MTBP: variants seen among roughly 807,000 people sequenced by gnomAD.
The protein encoded by MTBP is MDM2 binding protein, also known as mdm2-binding protein.
MTBP carries 101 observed loss-of-function variants against 117.0 expected under a neutral mutation model. That is an observed-to-expected ratio of 0.86 (90% CI 0.73 to 1.02). The LOEUF is 1.02. Ranked by LOEUF, MTBP falls within the 50% of genes least tolerant of loss-of-function variation. MTBP has a pLI of 0.00. For missense variants in MTBP, 970 were observed against 1,030.9 expected, an observed-to-expected ratio of 0.94 and a Z score of 0.81; for synonymous variants, 350 against 351.5, an observed-to-expected ratio of 1.00 and a Z score of 0.05.
chr8:120,515,468 C>T (rs1371129117), intron 17 of MTBP, among the ~76,000 whole-genome samples: 1 of 152,006 alleles, frequency 6.6e-6, no homozygotes, highest in Admixed American at 6.6e-5. Flanking sequence ...TCTAAATGTT[C>T]TAAGCTGTTT....
chr8:120,523,154 A>G, intron 21 of MTBP, 144 bp from the exon 22 acceptor site: 1 of 591,096 alleles, frequency 1.7e-6, no homozygotes, highest in Non-Finnish European at 3.0e-6. Context: ...AGAAAATAAA[A>G]TGTGTATTTA....
intron 2 of MTBP, among the ~76,000 whole-genome samples, chr8:120,449,534 C>A (rs564130547): frequency 1.3e-3 from 202 of 152,132 alleles, no homozygotes; most frequent in Non-Finnish European, 2.4e-3. Flanking sequence ...GGCAAAAAAA[C>A]CCAATTATTT....
At chr8:120,453,954 C>A in intron 5 of MTBP, 49 bp downstream of exon 5, 1 of 1,052,058 alleles carries the variant, frequency 9.5e-7, no homozygotes, top group Non-Finnish European at 1.4e-6. Context: ...TCTTATTACA[C>A]TTTATGAATA....
At chr8:120,477,993 G>A (rs1813983155) in intron 11 of MTBP, among the ~76,000 whole-genome samples, 1 of 152,080 alleles carries the variant, frequency 6.6e-6, no homozygotes, top group South Asian at 2.1e-4. Flanking sequence ...GCAAAGACTT[G>A]GAACCAACTC....
chr8:120,502,186 C>T (rs1255036927), intron 14 of MTBP, among the ~76,000 whole-genome samples: 1 of 152,098 alleles, frequency 6.6e-6, no homozygotes. Context: ...ACTGTTTTCA[C>T]CCAAAATAGC....
At chr8:120,477,716 C>T (rs950998843) in intron 11 of MTBP, among the ~76,000 whole-genome samples, 1 of 152,122 alleles carries the variant, frequency 6.6e-6, no homozygotes, top group Non-Finnish European at 1.5e-5. Context: ...CCATCCCATG[C>T]CAGTTAGAAT....
intron 17 of MTBP, among the ~76,000 whole-genome samples, chr8:120,514,510 A>G (rs577072607): frequency 5.3e-5 from 8 of 152,062 alleles, no homozygotes; most frequent in Non-Finnish European, 1.2e-4. Flanking sequence ...CTGAGCAAGT[A>G]GTATTTCTTG....
chr8:120,518,614 G>A (rs761670183), intron 19 of MTBP, 90 bp from the exon 20 acceptor site: 21 of 761,820 alleles, frequency 2.8e-5, no homozygotes, highest in Non-Finnish European at 4.4e-5. Context: ...CAAAATGAAT[G>A]TGTAATTCAC....
At position 120,523,304 on chromosome 8, in the gene MTBP, G is replaced by A. The variant is rs368981910; in HGVS notation, c.2683G>A (p.Asp895Asn). The A allele has an allele frequency of 6.4e-7, 1 of 1,554,466 alleles. No homozygotes were observed. The highest frequency in any genetic ancestry group is 1.8e-5 in the Admixed American group (1 of 55,038). Reference protein sequence around the residue: ...TANNNAVQVIDWVLEKTSKK With the variant: ...TANNNAVQVINWVLEKTSKK ...ATATTTTTTCTCCCCCTAGGTGATTGACTGGGTATTAGAAAAGACAAGCAA... is the reference window on the plus strand; with the variant it reads ...ATATTTTTTCTCCCCCTAGGTGATTAACTGGGTATTAGAAAAGACAAGCAA... The change falls in exon 22 of 22, where the codon GAC (aspartate) becomes AAC (asparagine). Residue 895 changes from aspartate (D) to asparagine (N), a missense_variant. Asp to Asn is a conservative substitution (Grantham distance 23, BLOSUM62 1). Coordinates refer to ENST00000305949, the MANE Select transcript of MTBP (RefSeq NM_022045.5).
At chr8:120,455,614 C>T (rs1345865635) in intron 6 of MTBP, 35 bp downstream of exon 6, 1 of 1,587,076 alleles carries the variant, frequency 6.3e-7, no homozygotes, top group Non-Finnish European at 8.6e-7. Context: ...TTATTGTCTG[C>T]CTTGTCTGTT....
chr8:120,462,972 T>C (rs1813612256), intron 9 of MTBP, among the ~76,000 whole-genome samples: 2 of 152,262 alleles, frequency 1.3e-5, no homozygotes, highest in Admixed American at 1.3e-4. Flanking sequence ...TGGCCGTGTT[T>C]TTACATAATA....
At position 120,463,753 on chromosome 8, in the gene MTBP, T is replaced by C. The variant is rs775556204; in HGVS notation, c.1039T>C (p.Cys347Arg). 1 of 1,612,078 alleles carries C rather than the reference T, an allele frequency of 6.2e-7. No individual in the cohort carries two copies. The highest frequency in any genetic ancestry group is 8.5e-7 in the Non-Finnish European group (1 of 1,178,698). The change falls in exon 10 of 22, where the codon TGT becomes CGT. Residue 347 changes from cysteine to arginine, a missense_variant. Cys to Arg is a radical substitution (Grantham distance 180). Transcript: ENST00000305949. ...GCTGTTGGAGCAGATTTCTTCTCTG[T>C]GTAGCAAGGTATTGAGGGTTTCTTG... is the stretch of plus-strand genomic sequence containing the variant. ...VLLLEQISSL[C>R]SKVGALFVLP...
At chr8:120,506,887 G>A in intron 16 of MTBP, 26 bp downstream of exon 16, 1 of 1,535,484 alleles carries the variant, frequency 6.5e-7, no homozygotes, top group Non-Finnish European at 8.7e-7. Flanking sequence ...ATAATTTCCA[G>A]TTAACTTTTT....
At chr8:120,510,051 A>C in intron 17 of MTBP, 22 bp downstream of exon 17, 2 of 1,507,334 alleles carry the variant, frequency 1.3e-6, no homozygotes, top group Non-Finnish European at 1.8e-6. Context: ...TTTGTACTTT[A>C]CTCTTCTGTA....
At chr8:120,475,750 C>G (rs1813920099) in intron 11 of MTBP, among the ~76,000 whole-genome samples, 1 of 151,804 alleles carries the variant, frequency 6.6e-6, no homozygotes, top group Admixed American at 6.6e-5. Flanking sequence ...TATTACATTT[C>G]AAAAGAAAAA....
chr8:120,499,291 C>T (rs776921005), intron 14 of MTBP, among the ~76,000 whole-genome samples: 18 of 152,222 alleles, frequency 1.2e-4, no homozygotes, highest in African/African-American at 3.4e-4. Context: ...GATTAACTGA[C>T]GATCGTTCTT....
At chr8:120,455,767 T>A (rs1044319069) in intron 6 of MTBP, among the ~76,000 whole-genome samples, 188 bp downstream of exon 6, 1 of 152,090 alleles carries the variant, frequency 6.6e-6, no homozygotes, top group Non-Finnish European at 1.5e-5. Flanking sequence ...ATATTTATGT[T>A]TCTGAGATAT....
At chr8:120,458,077 C>T (rs533349453) in intron 7 of MTBP, among the ~76,000 whole-genome samples, 28 of 152,062 alleles carry the variant, frequency 1.8e-4, no homozygotes, top group African/African-American at 6.7e-4. Flanking sequence ...TGGCAGAGTT[C>T]TTTTCATGTG....
chr8:120,502,497 A>C lies in MTBP; in HGVS notation c.1615A>C (p.Ser539Arg). 6.3e-7 allele frequency: 1 copy of C among 1,578,834 alleles called. No homozygotes were observed. The highest frequency in any genetic ancestry group is 8.6e-7 in the Non-Finnish European group (1 of 1,162,334). The change falls in exon 15 of 22, where the codon AGT (serine) becomes CGT (arginine). Residue 539 changes from serine (S) to arginine (R), a missense_variant. Physicochemically the swap from Ser to Arg is moderately radical, Grantham distance 110 (BLOSUM62 -1). Transcript: ENST00000305949. The stretch of plus-strand genomic sequence containing the variant: ...GTGTATTTCTTTCACTTTAGATTTT[A>C]GTCCAGTGGAACCTAATTCCTCAAG... ...IKTFNILNDF[S>R]PVEPNSSSLM... is the part of the protein sequence containing the mutation.
Sources: gnomAD v4.1 joint callset for allele counts (sites outside exome capture counted in the v4.1 genomes callset) on GRCh38, gnomAD v4.1.1 for gene constraint, MANE v1.5 for transcripts, NCBI Gene and HGNC (gene_info 2026-07-23, HGNC 2026-07-21) for gene names.